ADAMTSL1: variants seen among roughly 807,000 people sequenced by gnomAD.
ADAMTSL1 encodes ADAMTS like 1, also known as ADAMTS-like protein 1.
In ADAMTSL1, 126 loss-of-function variants were observed where a neutral mutation model predicts 201.8. The observed-to-expected ratio is 0.62, with a 90% CI of 0.54 to 0.72. ADAMTSL1 has a LOEUF of 0.72. ADAMTSL1 is among the 30% of genes least tolerant of loss of function. The probability of loss-of-function intolerance (pLI) is 0.00; values close to 1 mark genes in which losing one functional copy is unlikely to be tolerated. For missense variants in ADAMTSL1, 2,679 were observed against 2,277.8 expected (o/e 1.18, Z -3.59); for synonymous variants, 1,121 against 903.4 (o/e 1.24, Z -4.32).
chr9:18,708,501 A>C (rs1832355537), intron 14 of ADAMTSL1, among the ~76,000 whole-genome samples: 1 of 152,196 alleles, frequency 6.6e-6, no homozygotes, highest in South Asian at 2.1e-4. Flanking sequence ...CATTTTGAGA[A>C]CGTCTTTTCT....
At chr9:18,545,534 G>A (rs1238587712) in intron 3 of ADAMTSL1, among the ~76,000 whole-genome samples, 1 of 152,168 alleles carries the variant, frequency 6.6e-6, no homozygotes, top group East Asian at 1.9e-4. Flanking sequence ...AGAAGTATAT[G>A]AACTGCTGAG....
At chr9:18,062,924 G>A (rs117284445) in intron 1 of ADAMTSL1, among the ~76,000 whole-genome samples, 3,366 of 152,132 alleles carry the variant, frequency 0.022, 48 homozygotes, top group Middle Eastern at 0.041. Context: ...TTTGTTTCTT[G>A]GTTGTTGAAA....
chr9:18,163,705 C>G (rs1458586054), intron 1 of ADAMTSL1, among the ~76,000 whole-genome samples: 1 of 151,936 alleles, frequency 6.6e-6, no homozygotes, highest in Non-Finnish European at 1.5e-5. Flanking sequence ...CCAGAATGTT[C>G]TAGTGGTTCT....
intron 2 of ADAMTSL1, among the ~76,000 whole-genome samples, chr9:18,384,877 T>A (rs976757510): frequency 6.6e-6 from 1 of 152,184 alleles, no homozygotes; most frequent in African/African-American, 2.4e-5. Context: ...CTTGTCTCTC[T>A]TATTTCTCCC....
At chr9:18,311,724 A>G (rs938520455) in intron 2 of ADAMTSL1, among the ~76,000 whole-genome samples, 1 of 152,206 alleles carries the variant, frequency 6.6e-6, no homozygotes, top group African/African-American at 2.4e-5. Flanking sequence ...TCATATTGAC[A>G]AGGAGGCAGT....
At chr9:18,413,177 T>C (rs543557157) in intron 2 of ADAMTSL1, among the ~76,000 whole-genome samples, 1 of 149,922 alleles carries the variant, frequency 6.7e-6, no homozygotes, top group African/African-American at 2.4e-5. Context: ...AGATGGAATT[T>C]CGCTCTTATT....
At chr9:18,347,953 T>G (rs898971689) in intron 2 of ADAMTSL1, among the ~76,000 whole-genome samples, 1 of 152,118 alleles carries the variant, frequency 6.6e-6, no homozygotes, top group African/African-American at 2.4e-5. Flanking sequence ...AAAAACAAGA[T>G]GAAAACTACA....
intron 1 of ADAMTSL1, among the ~76,000 whole-genome samples, chr9:18,490,493 G>A (rs991650312): frequency 6.6e-6 from 1 of 152,176 alleles, no homozygotes; most frequent in Admixed American, 6.5e-5. Flanking sequence ...GATGTGCTGA[G>A]TTTAAAGTAT....
intron 21 of ADAMTSL1, among the ~76,000 whole-genome samples, chr9:18,823,199 G>C (rs558029316): frequency 8.1e-4 from 124 of 152,270 alleles, no homozygotes; most frequent in Non-Finnish European, 1.2e-3. Context: ...GAATCTGAGA[G>C]AGGTTTGCCA....
In ADAMTSL1 at chr9:18,418,516, G is replaced by A. The variant is rs531773429; in HGVS notation, c.208-86313G>A. Among the ~76,000 whole-genome samples, 36 of 152,290 alleles carry A rather than the reference G, an allele frequency of 2.4e-4. 2 individuals carry two copies. Among genetic ancestry groups the A allele is most frequent in the Admixed American group, 2.3e-3 (35 of 15,294 alleles). ...TAGAAGTTTAAGTGAGTATAGCAAG[G>A]TAGCAGGATACAAGATGATTGGACA... On this transcript the variant is annotated intron_variant, in intron 2 of 29. Transcript: ENST00000680146.
chr9:18,411,881 C>T (rs760233001), intron 2 of ADAMTSL1, among the ~76,000 whole-genome samples: 2 of 152,098 alleles, frequency 1.3e-5, no homozygotes, highest in African/African-American at 2.4e-5. Flanking sequence ...CTATTTTATA[C>T]TCATATTTTC....
intron 13 of ADAMTSL1, among the ~76,000 whole-genome samples, chr9:18,690,009 G>A (rs62550602): frequency 0.047 from 7,140 of 152,254 alleles, 221 homozygotes; most frequent in African/African-American, 0.079. Flanking sequence ...AGAAGACAAA[G>A]AGGAAGAAAA....
intron 4 of ADAMTSL1, among the ~76,000 whole-genome samples, chr9:18,600,100 T>A (rs1019032339): frequency 1.3e-5 from 2 of 151,906 alleles, no homozygotes; most frequent in Non-Finnish European, 2.9e-5. Context: ...TGCCTTGAGA[T>A]GCTGCATACT....
intron 1 of ADAMTSL1, among the ~76,000 whole-genome samples, chr9:18,015,968 C>A (rs1392736463): frequency 6.6e-6 from 1 of 152,044 alleles, no homozygotes; most frequent in African/African-American, 2.4e-5. Flanking sequence ...ACCAGGATGG[C>A]AGCTAAGTGA....
At chr9:18,559,992 C>G (rs1821375717) in intron 3 of ADAMTSL1, among the ~76,000 whole-genome samples, 1 of 152,052 alleles carries the variant, frequency 6.6e-6, no homozygotes, top group African/African-American at 2.4e-5. Flanking sequence ...TATTTGTATA[C>G]CCTTTATTTC....
chr9:18,771,851 T>C (rs1469037362), intron 17 of ADAMTSL1, among the ~76,000 whole-genome samples: 1 of 151,738 alleles, frequency 6.6e-6, no homozygotes, highest in Non-Finnish European at 1.5e-5. Flanking sequence ...TCAACATAGG[T>C]TCTTAGAATT....
At chr9:18,069,404 T>TATAC (rs746164406) in intron 1 of ADAMTSL1, among the ~76,000 whole-genome samples, 74 of 152,150 alleles carry the variant, frequency 4.9e-4, no homozygotes, top group African/African-American at 2.9e-4. Context: ...CAACGTATTA[T>TATAC]ATACATACAT....
At chr9:18,086,889 TA>T (rs1401363650) in intron 1 of ADAMTSL1, among the ~76,000 whole-genome samples, 1 of 152,184 alleles carries the variant, frequency 6.6e-6, no homozygotes, top group Non-Finnish European at 1.5e-5. Flanking sequence ...TATTTCTTTT[TA>T]AAAAATGCTT....
chr9:18,563,607 C>T (rs894265901), intron 3 of ADAMTSL1, among the ~76,000 whole-genome samples: 16 of 152,214 alleles, frequency 1.1e-4, no homozygotes, highest in Admixed American at 6.5e-5. Flanking sequence ...TGAAGCCGCA[C>T]CCACAGCCTC....
Sources: gnomAD v4.1 joint callset for allele counts (sites outside exome capture counted in the v4.1 genomes callset) on GRCh38, gnomAD v4.1.1 for gene constraint, MANE v1.5 for transcripts, NCBI Gene and HGNC (gene_info 2026-07-23, HGNC 2026-07-21) for gene names.